The following SHTN1 variants were observed in gnomAD, a reference collection of about 807,000 sequenced individuals.
SHTN1 encodes shootin 1, also known as shootin-1.
SHTN1 carries 42 observed loss-of-function variants against 83.1 expected under a neutral mutation model. The observed-to-expected ratio is 0.51, with a 90% CI of 0.39 to 0.65. SHTN1 has a LOEUF of 0.65. Among genes scored for constraint, SHTN1 ranks in the 30% least tolerant of loss-of-function variants. SHTN1 has a pLI of 0.00. For synonymous variants in SHTN1, 224 were observed against 247.7 expected, an observed-to-expected ratio of 0.90 and a Z score of 0.90; for missense variants, 622 against 737.8, an observed-to-expected ratio of 0.84 and a Z score of 1.82.
chr10:117,123,965 A>C lies in SHTN1; in HGVS notation c.-189+2342T>G, dbSNP rs77897838. On this transcript the variant is annotated intron_variant, in intron 1 of 17. Coordinates refer to the SHTN1 transcript ENST00000392901. ...GGTGACTCATACCTGTAATCCGAACACTTTGGGAGGCCAAGGTGGGAGGAT... is the reference window on the plus strand; with the variant it reads ...GGTGACTCATACCTGTAATCCGAACCCTTTGGGAGGCCAAGGTGGGAGGAT... Among the ~76,000 whole-genome samples, 8 of 151,758 alleles carry C rather than the reference A, an allele frequency of 5.3e-5. No individual in the cohort carries two copies. The East Asian group carries it at 1.6e-3, about 29-fold the overall frequency.
At position 116,952,021 on chromosome 10, in the gene SHTN1, A is replaced by G. The variant is rs1849795295; in HGVS notation, c.437-15T>C. ...ATCTCGAAGTTCTGCATTTTTAAAG[A>G]AAAAAAATATATAAATAAACTTATT... On this transcript the variant is annotated splice_polypyrimidine_tract_variant and intron_variant, in intron 5 of 16. Transcript: ENST00000355371. 1 of 1,278,392 alleles carries G rather than the reference A, an allele frequency of 7.8e-7. No homozygotes were observed. The highest frequency in any genetic ancestry group is 1.1e-6 in the Non-Finnish European group (1 of 944,986). The allele number at this position is 1,278,392 out of a possible 1,614,324, so 79.2% of individuals were successfully genotyped here.
intron 1 of SHTN1, among the ~76,000 whole-genome samples, chr10:117,069,094 C>A (rs1371113347): frequency 2.6e-5 from 4 of 152,030 alleles, no homozygotes; most frequent in Admixed American, 6.6e-5. Context: ...CTGAAAAGAC[C>A]ATGAAAACTC....
At chr10:117,096,132 A>G (rs904447544) in intron 1 of SHTN1, among the ~76,000 whole-genome samples, 4 of 152,246 alleles carry the variant, frequency 2.6e-5, no homozygotes, top group Non-Finnish European at 5.9e-5. Context: ...GTATTCCTGA[A>G]CATAAAAAGA....
intron 1 of SHTN1, among the ~76,000 whole-genome samples, chr10:117,103,825 C>T (rs1342368751): frequency 6.6e-6 from 1 of 152,082 alleles, no homozygotes; most frequent in South Asian, 2.1e-4. Flanking sequence ...TGTGAGCCAC[C>T]GCACACGGCC....
chr10:116,971,999 T>C (rs997791483), intron 2 of SHTN1, among the ~76,000 whole-genome samples: 1 of 152,228 alleles, frequency 6.6e-6, no homozygotes, highest in African/African-American at 2.4e-5. Context: ...GTTGACATCA[T>C]ACACAATCAC....
chr10:116,998,912 A>AT (rs1366742993), intron 1 of SHTN1, among the ~76,000 whole-genome samples: 1 of 152,108 alleles, frequency 6.6e-6, no homozygotes, highest in Non-Finnish European at 1.5e-5. Context: ...ATACCAACAT[A>AT]TATATATATG....
chr10:116,978,413 G>T (rs1483692260), intron 2 of SHTN1, among the ~76,000 whole-genome samples: 1 of 151,842 alleles, frequency 6.6e-6, no homozygotes, highest in African/African-American at 2.4e-5. Flanking sequence ...TTAATTTTTG[G>T]TCAGGGATAT....
intron 1 of SHTN1, among the ~76,000 whole-genome samples, chr10:117,098,658 T>A (rs1334692497): frequency 6.6e-6 from 1 of 152,110 alleles, no homozygotes; most frequent in Non-Finnish European, 1.5e-5. Flanking sequence ...GCATCGAACA[T>A]GATCATGATG....
intron 1 of SHTN1, among the ~76,000 whole-genome samples, chr10:116,996,799 T>C (rs928626471): frequency 1.3e-5 from 2 of 152,320 alleles, no homozygotes; most frequent in East Asian, 1.9e-4. Context: ...CAATAAGATA[T>C]GAGACAATAT....
chr10:117,017,611 A>G (rs1852198900), intron 2 of SHTN1, among the ~76,000 whole-genome samples: 1 of 152,204 alleles, frequency 6.6e-6, no homozygotes, highest in Non-Finnish European at 1.5e-5. Context: ...ATTAATGAGG[A>G]AGAAGGAAAA....
chr10:116,973,762 C>A (rs933316289), intron 2 of SHTN1: 1 of 741,552 alleles, frequency 1.3e-6, no homozygotes, highest in African/African-American at 1.8e-5. Flanking sequence ...TTTAATGCTA[C>A]ACCATTTTTC....
chr10:117,043,797 A>G (rs1564940074), intron 2 of SHTN1, among the ~76,000 whole-genome samples: 1 of 152,124 alleles, frequency 6.6e-6, no homozygotes, highest in Non-Finnish European at 1.5e-5. Flanking sequence ...AGCTGTGATC[A>G]TGCTACTGCA....
At chr10:117,019,842 A>G (rs1485148099) in intron 2 of SHTN1, among the ~76,000 whole-genome samples, 2 of 150,282 alleles carry the variant, frequency 1.3e-5, no homozygotes, top group African/African-American at 2.4e-5. Flanking sequence ...AAAAAAAAAG[A>G]GAAAAAGAAA....
intron 1 of SHTN1, among the ~76,000 whole-genome samples, chr10:117,077,032 CATTTT>C (rs1270640822): frequency 6.6e-6 from 1 of 152,148 alleles, no homozygotes; most frequent in African/African-American, 2.4e-5. Flanking sequence ...CAGTACCTCT[CATTTT>C]ATTTTTTCAT....
chr10:117,076,838 A>G (rs1853163802), intron 1 of SHTN1, among the ~76,000 whole-genome samples: 1 of 152,210 alleles, frequency 6.6e-6, no homozygotes, highest in African/African-American at 2.4e-5. Context: ...ATCTTCATTA[A>G]AGCGAAATTG....
At chr10:116,960,589 A>G (rs12781908) in intron 3 of SHTN1, among the ~76,000 whole-genome samples, 1 of 152,242 alleles carries the variant, frequency 6.6e-6, no homozygotes, top group Non-Finnish European at 1.5e-5. Context: ...AAGAGGAGTG[A>G]CAGCATGACT....
At chr10:117,052,237 G>A (rs1052470783) in intron 1 of SHTN1, among the ~76,000 whole-genome samples, 1 of 151,442 alleles carries the variant, frequency 6.6e-6, no homozygotes, top group Non-Finnish European at 1.5e-5. Context: ...TGTAAGATTT[G>A]TATACTAAAA....
At chr10:117,114,469 C>CTTTCCCATATTT (rs1219056552) in intron 1 of SHTN1, among the ~76,000 whole-genome samples, 1 of 152,120 alleles carries the variant, frequency 6.6e-6, no homozygotes, top group East Asian at 1.9e-4. Context: ...ACCAATTGCA[C>CTTTCCCATATTT]TTTCCCATAT....
chr10:117,121,976 G>A (rs994771263), intron 1 of SHTN1, among the ~76,000 whole-genome samples: 2 of 152,120 alleles, frequency 1.3e-5, no homozygotes, highest in African/African-American at 4.8e-5. Flanking sequence ...AGCTTGCAAT[G>A]AGCTGAGATC....
Sources: gnomAD v4.1 joint callset for allele counts (sites outside exome capture counted in the v4.1 genomes callset) on GRCh38, gnomAD v4.1.1 for gene constraint, MANE v1.5 for transcripts, NCBI Gene and HGNC (gene_info 2026-07-23, HGNC 2026-07-21) for gene names.